Variants in SORCS2 observed in about 807,000 individuals in gnomAD.
The protein encoded by SORCS2 is sortilin related VPS10 domain containing receptor 2.
In SORCS2, 100 loss-of-function variants were observed where a neutral mutation model predicts 141.6. The ratio of observed to expected loss-of-function variants is 0.71; its 90% CI spans 0.60 to 0.83. The LOEUF (loss-of-function observed/expected upper bound fraction) is 0.83. Among genes scored for constraint, SORCS2 ranks in the 40% least tolerant of loss-of-function variants. The pLI, the probability that SORCS2 is intolerant of heterozygous loss-of-function variation, is 0.00. For missense variants in SORCS2, 1,646 were observed against 1,560.2 expected, an observed-to-expected ratio of 1.05 and a Z score of -0.93; for synonymous variants, 789 against 676.9, an observed-to-expected ratio of 1.17 and a Z score of -2.57.
intron 1 of SORCS2, among the ~76,000 whole-genome samples, chr4:7,300,929 C>T (rs1474619721): frequency 6.6e-6 from 1 of 152,212 alleles, no homozygotes; most frequent in Admixed American, 6.5e-5. Context: ...TCCTTCCTGC[C>T]TCCGTGCCTG....
chr4:7,502,628 C>T (rs116233877), intron 2 of SORCS2, among the ~76,000 whole-genome samples: 8 of 152,314 alleles, frequency 5.3e-5, no homozygotes, highest in South Asian at 4.1e-4. Flanking sequence ...TCCCACTTCC[C>T]GTCTGTCTGG....
chr4:7,527,419 G>A (rs1472789879), intron 2 of SORCS2, among the ~76,000 whole-genome samples: 4 of 152,218 alleles, frequency 2.6e-5, no homozygotes, highest in East Asian at 1.9e-4. Flanking sequence ...GCGCTGTGAC[G>A]GGAGGCTGTG....
chr4:7,566,121 T>G (rs1714988047), intron 3 of SORCS2, among the ~76,000 whole-genome samples: 1 of 150,774 alleles, frequency 6.6e-6, no homozygotes, highest in Non-Finnish European at 1.5e-5. Flanking sequence ...GTAATGGTGA[T>G]GGTGATGATG....
chr4:7,343,342 A>G (rs1720469737), intron 1 of SORCS2, among the ~76,000 whole-genome samples: 1 of 152,152 alleles, frequency 6.6e-6, no homozygotes, highest in South Asian at 2.1e-4. Context: ...TTCCTGCCTG[A>G]CCACTCGCTC....
In SORCS2 at chr4:7,455,763, C is replaced by T. The variant is rs975279577; in HGVS notation, c.548+59408C>T. ...CAGGCTCCGTCTTGGGGTCAGGCTC[C>T]GTGTTAGTGTCATGAGCCACTTTAG... On this transcript the variant is annotated intron_variant, in intron 2 of 26. Coordinates refer to ENST00000507866, the MANE Select transcript of SORCS2 (RefSeq NM_020777.3). Among the ~76,000 whole-genome samples the T allele has an allele frequency of 1.0e-4, 15 of 149,350 alleles. No homozygotes were observed. In the South Asian group the frequency reaches 1.3e-3, roughly 13 times the overall value.
chr4:7,676,803 GTCTC>G lies in SORCS2; in HGVS notation c.1341+597_1341+600del, dbSNP rs1182959755. ...CTGTGTGTCTGAAGTCTGCCTTTCT[GTCTC>G]TCTCTCTCTCTCTCTCTCTCTCCCT... On this transcript the variant is annotated intron_variant, in intron 9 of 26. Coordinates refer to ENST00000507866, the MANE Select transcript of SORCS2 (RefSeq NM_020777.3). Among the ~76,000 whole-genome samples, 11 of 37,240 alleles carry G rather than the reference GTCTC, an allele frequency of 3.0e-4. 1 individual carries two copies. The highest frequency in any genetic ancestry group is 2.1e-3 in the South Asian group (2 of 936). 24.4% of individuals were successfully genotyped at this position (37,240 alleles called of 152,430 possible). A position where few individuals can be genotyped will look rare whatever the true frequency, so the allele number is the denominator to read the frequency against.
chr4:7,296,799 C>G (rs1015259346), intron 1 of SORCS2, among the ~76,000 whole-genome samples: 2 of 152,292 alleles, frequency 1.3e-5, no homozygotes, highest in Admixed American at 6.5e-5. Context: ...AGGTGACCCC[C>G]CAACACACAT....
chr4:7,542,590 C>T (rs977933307), intron 3 of SORCS2, among the ~76,000 whole-genome samples: 18 of 152,146 alleles, frequency 1.2e-4, no homozygotes, highest in African/African-American at 3.4e-4. Context: ...CCAGAGCCTT[C>T]GGGAAGCATT....
intron 8 of SORCS2, among the ~76,000 whole-genome samples, chr4:7,670,222 GT>G (rs1318417507): frequency 1.3e-5 from 2 of 152,148 alleles, no homozygotes; most frequent in Non-Finnish European, 2.9e-5. Flanking sequence ...AAATGATACC[GT>G]CCTGCTGTTT....
At chr4:7,561,041 C>T (rs373291780) in intron 3 of SORCS2, among the ~76,000 whole-genome samples, 4 of 152,090 alleles carry the variant, frequency 2.6e-5, no homozygotes, top group Non-Finnish European at 5.9e-5. Context: ...TGACTGGACC[C>T]CAGGCCCTCT....
intron 25 of SORCS2, 109 bp from the exon 26 acceptor site, chr4:7,736,959 TG>T: frequency 7.2e-7 from 1 of 1,398,310 alleles, no homozygotes; most frequent in Non-Finnish European, 9.7e-7. Context: ...TGGAGTGCTG[TG>T]GGCACCGTGC....
intron 1 of SORCS2, among the ~76,000 whole-genome samples, chr4:7,351,747 C>T (rs895765189): frequency 6.6e-6 from 1 of 151,938 alleles, no homozygotes; most frequent in African/African-American, 2.4e-5. Flanking sequence ...TCCTCTCTCT[C>T]TCCCCAATCC....
At chr4:7,211,095 T>C (rs566071717) in intron 1 of SORCS2, among the ~76,000 whole-genome samples, 178 of 152,366 alleles carry the variant, frequency 1.2e-3, no homozygotes, top group Non-Finnish European at 2.0e-3. Context: ...TGCATTTTTT[T>C]CTTAAGTCAA....
chr4:7,324,932 C>T (rs550645658), intron 1 of SORCS2, among the ~76,000 whole-genome samples: 5 of 152,334 alleles, frequency 3.3e-5, no homozygotes, highest in African/African-American at 1.2e-4. Flanking sequence ...CTGGCGGCAG[C>T]TCCTGGATTT....
At chr4:7,690,180 C>A (rs1050368794) in intron 11 of SORCS2, among the ~76,000 whole-genome samples, 10 of 128,542 alleles carry the variant, frequency 7.8e-5, no homozygotes, top group Admixed American at 6.9e-4. Flanking sequence ...AGTGGATAGA[C>A]GAGTAGATGG....
chr4:7,547,946 C>T (rs1050903676), intron 3 of SORCS2, among the ~76,000 whole-genome samples: 2 of 152,228 alleles, frequency 1.3e-5, no homozygotes, highest in Non-Finnish European at 2.9e-5. Context: ...CCACGGCCCA[C>T]ATGTCTGAAA....
At chr4:7,452,050 C>T (rs1313762311) in intron 2 of SORCS2, among the ~76,000 whole-genome samples, 1 of 152,186 alleles carries the variant, frequency 6.6e-6, no homozygotes, top group Non-Finnish European at 1.5e-5. Flanking sequence ...CTCTGCACAG[C>T]CTTCCCCTCA....
intron 3 of SORCS2, among the ~76,000 whole-genome samples, chr4:7,580,878 T>C (rs531199736): frequency 4.6e-5 from 7 of 152,284 alleles, no homozygotes; most frequent in Admixed American, 1.3e-4. Context: ...GACGAAAGTT[T>C]ACTGGGAGGC....
intron 1 of SORCS2, among the ~76,000 whole-genome samples, chr4:7,216,347 T>C (rs1728352002): frequency 6.6e-6 from 1 of 152,154 alleles, no homozygotes; most frequent in Non-Finnish European, 1.5e-5. Flanking sequence ...GTGGTAGACG[T>C]AGGGGTCCAT....
Sources: allele counts gnomAD v4.1 joint callset (sites outside exome capture counted in the v4.1 genomes callset), GRCh38; gene constraint gnomAD v4.1.1; transcripts MANE v1.5; gene names NCBI Gene and HGNC (gene_info 2026-07-23, HGNC 2026-07-21).